Variants in SNX25 observed in about 807,000 individuals in gnomAD.
The protein encoded by SNX25 is sorting nexin-25.
In SNX25, 62 loss-of-function variants were observed where a neutral mutation model predicts 113.7. The observed-to-expected ratio is 0.55, with a 90% confidence interval of 0.44 to 0.67. SNX25 has a LOEUF of 0.67. SNX25 is among the 30% of genes least tolerant of loss of function. The probability of loss-of-function intolerance (pLI) is 0.00; values close to 1 mark genes in which losing one functional copy is unlikely to be tolerated. For missense variants in SNX25, 1,014 were observed against 1,161.0 expected, an observed-to-expected ratio of 0.87 and a Z score of 1.84; for synonymous variants, 421 against 436.2, an observed-to-expected ratio of 0.97 and a Z score of 0.43.
At chr4:185,225,118 C>CT (rs775220291) in intron 1 of SNX25, among the ~76,000 whole-genome samples, 1,743 of 132,064 alleles carry the variant, frequency 0.013, 43 homozygotes, top group Admixed American at 0.059. Context: ...TCTATGTCTT[C>CT]TTTTTTTTTT....
chr4:185,368,896 C>T (rs28399832), downstream of SNX25, among the ~76,000 whole-genome samples: 3,769 of 150,576 alleles, frequency 0.025, 153 homozygotes, highest in African/African-American at 0.086. Context: ...CAGGTTCAAG[C>T]GATTCTCATG....
In SNX25 at chr4:185,220,638, G is replaced by A. The variant is rs1211034514; in HGVS notation, c.429+10383G>A. Among the ~76,000 whole-genome samples the A allele has an allele frequency of 4.6e-5, 7 of 151,578 alleles. No individual in the cohort carries two copies. In the South Asian group the frequency reaches 1.3e-3, roughly 27 times the overall value. On this transcript the variant is annotated intron_variant, in intron 1 of 18. Transcript: ENST00000652585. Reference sequence around the variant, plus strand: ...CTGGGATAAGGGTGCCCACCACCACGCCTGGCTAAATTTTTGTATTTTTAG... The same window carrying A: ...CTGGGATAAGGGTGCCCACCACCACACCTGGCTAAATTTTTGTATTTTTAG...
At chr4:185,217,289 G>C (rs1457525449) in intron 1 of SNX25, among the ~76,000 whole-genome samples, 2 of 152,026 alleles carry the variant, frequency 1.3e-5, no homozygotes, top group Non-Finnish European at 2.9e-5. Flanking sequence ...TAGCTGCAAT[G>C]ATAAAAAGTG....
chr4:185,371,561 A>AAAT (rs1554017489), downstream of SNX25, among the ~76,000 whole-genome samples: 102 of 150,702 alleles, frequency 6.8e-4, no homozygotes, highest in African/African-American at 2.3e-3. Flanking sequence ...AAAAAAAAAA[A>AAAT]AAGGATAATG....
intron 6 of SNX25, among the ~76,000 whole-genome samples, chr4:185,303,355 A>T (rs1396220703): frequency 6.6e-6 from 1 of 152,188 alleles, no homozygotes; most frequent in African/African-American, 2.4e-5. Flanking sequence ...TAGGAGTTCC[A>T]GCACCAAGAC....
chr4:185,331,317 T>C (rs2095193230), intron 9 of SNX25, among the ~76,000 whole-genome samples: 1 of 152,246 alleles, frequency 6.6e-6, no homozygotes, highest in Admixed American at 6.5e-5. Flanking sequence ...GCCATTGTTA[T>C]TCTAATTATT....
chr4:185,241,348 C>G (rs202155116), intron 1 of SNX25, among the ~76,000 whole-genome samples: 1 of 151,710 alleles, frequency 6.6e-6, no homozygotes, highest in East Asian at 2.0e-4. Context: ...CGTGGCGGCG[C>G]GCGCCTGCAA....
In SNX25 at chr4:185,332,740, C is replaced by T. The variant is rs748569101; in HGVS notation, c.1895C>T (p.Ala632Val). The change falls in exon 10 of 19, where the codon GCA (alanine) becomes GTA (valine). Residue 632 changes from alanine to valine, a missense_variant. Transcript: ENST00000652585. ...KRQALNSIQN[A>V]PKPDKKIVSK... ...CAAGCTCTAAATTCTATTCAAAATG[C>T]ACCAAAACCTGACAAGAAGGTAACT... The T allele has an allele frequency of 6.2e-7, 1 of 1,613,420 alleles. No homozygotes were observed. The highest frequency in any genetic ancestry group is 8.5e-7 in the Non-Finnish European group (1 of 1,179,798).
chr4:185,254,561 G>C (rs887268453), intron 2 of SNX25, among the ~76,000 whole-genome samples: 12 of 152,280 alleles, frequency 7.9e-5, no homozygotes, highest in African/African-American at 2.9e-4. Flanking sequence ...CTCATTCCTT[G>C]TTCTGAAAAT....
intron 6 of SNX25, among the ~76,000 whole-genome samples, chr4:185,306,895 C>G (rs1025050981): frequency 3.3e-5 from 5 of 152,024 alleles, no homozygotes; most frequent in African/African-American, 1.2e-4. Context: ...CTATTTTTTT[C>G]CTGTTGAGAT....
downstream of SNX25, chr4:185,370,554 A>G (rs2095411350): frequency 7.2e-7 from 1 of 1,393,036 alleles, no homozygotes; most frequent in African/African-American, 1.4e-5. Context: ...AGTAGAAAAA[A>G]CACTAATCCG....
At chr4:185,259,176 T>C in intron 3 of SNX25, 112 bp downstream of exon 3, 1 of 877,442 alleles carries the variant, frequency 1.1e-6, no homozygotes, top group South Asian at 1.8e-5. Flanking sequence ...TGGCACTTGC[T>C]TGAAAATGTA....
chr4:185,326,499 A>G (rs373265524), intron 9 of SNX25, among the ~76,000 whole-genome samples: 6 of 152,134 alleles, frequency 3.9e-5, no homozygotes, highest in African/African-American at 9.7e-5. Context: ...TAAAGACACA[A>G]TTGACAAGGA....
chr4:185,371,394 T>C (rs1193226406), downstream of SNX25, among the ~76,000 whole-genome samples: 1 of 151,780 alleles, frequency 6.6e-6, no homozygotes, highest in Non-Finnish European at 1.5e-5. Context: ...TACAAAAAAT[T>C]AGCTGGGCAT....
intron 1 of SNX25, among the ~76,000 whole-genome samples, chr4:185,230,037 C>T (rs1441159972): frequency 6.6e-6 from 1 of 152,086 alleles, no homozygotes. Flanking sequence ...GCCATGTTGC[C>T]CAGGCTGGGC....
intron 6 of SNX25, among the ~76,000 whole-genome samples, chr4:185,300,341 G>A (rs181635070): frequency 0.09 from 11,111 of 123,950 alleles, 540 homozygotes; most frequent in East Asian, 0.23. Flanking sequence ...TTTTTTTTTT[G>A]TATTTTTAGT....
At chr4:185,243,415 A>G (rs1250618115) in intron 1 of SNX25, among the ~76,000 whole-genome samples, 2 of 152,048 alleles carry the variant, frequency 1.3e-5, no homozygotes, top group Non-Finnish European at 2.9e-5. Flanking sequence ...TTCAAGACCA[A>G]CCTGGGCAAC....
intron 2 of SNX25, among the ~76,000 whole-genome samples, chr4:185,255,677 A>G (rs888890615): frequency 6.6e-6 from 1 of 152,166 alleles, no homozygotes; most frequent in Non-Finnish European, 1.5e-5. Context: ...TCTTTTACTC[A>G]TGCAGCTTAT....
chr4:185,299,221 A>T (rs1753280140), intron 6 of SNX25, among the ~76,000 whole-genome samples: 1 of 152,210 alleles, frequency 6.6e-6, no homozygotes, highest in African/African-American at 2.4e-5. Flanking sequence ...ATGGCGGCAC[A>T]TGCGCATAGA....
Sources: gnomAD v4.1 joint callset for allele counts (sites outside exome capture counted in the v4.1 genomes callset) on GRCh38, gnomAD v4.1.1 for gene constraint, MANE v1.5 for transcripts, NCBI Gene and HGNC (gene_info 2026-07-23, HGNC 2026-07-21) for gene names.